Variants in HSPG2 observed in about 807,000 individuals in gnomAD.
HSPG2 encodes the protein heparan sulfate proteoglycan 2, also known as basement membrane-specific heparan sulfate proteoglycan core protein.
Under a neutral mutation model 526.6 loss-of-function variants are expected in HSPG2, and 278 were observed. The ratio of observed to expected loss-of-function variants is 0.53; its 90% confidence interval spans 0.48 to 0.58. The LOEUF (loss-of-function observed/expected upper bound fraction) is 0.58. Among genes scored for constraint, HSPG2 ranks in the 20% least tolerant of loss-of-function variants. The pLI is 0.00. For missense variants in HSPG2, 5,354 were observed against 6,099.5 expected (o/e 0.88, Z 4.07); for synonymous variants, 2,465 against 2,555.4 (o/e 0.96, Z 1.07).
At position 21,858,193 on chromosome 1, in the gene HSPG2, A is replaced by G. The variant is rs1258822492; in HGVS notation, c.5294-808T>C. Among the ~76,000 whole-genome samples, 2 of 152,140 alleles carry G rather than the reference A, an allele frequency of 1.3e-5. No individual in the cohort carries two copies. Among genetic ancestry groups the G allele is most frequent in the African/African-American group, 4.8e-5 (2 of 41,426 alleles). ...TGGTTTCTATCCCTTCTCTCCACTG[A>G]AAACCGCTCTTGTCAAAGCATGACC... On this transcript the variant is annotated intron_variant, in intron 42 of 96. Transcript: ENST00000374695. The surrounding 1 kb of genome is among the most constrained non-coding windows in gnomAD (Gnocchi z 4.2).
intron 69 of HSPG2, 125 bp downstream of exon 69, chr1:21,841,877 G>A: frequency 7.1e-7 from 1 of 1,405,426 alleles, no homozygotes. Flanking sequence ...GACGGGAAGG[G>A]CCTTACTCAG....
chr1:21,914,962 G>A (rs1476573722), intron 1 of HSPG2, among the ~76,000 whole-genome samples: 1 of 152,194 alleles, frequency 6.6e-6, no homozygotes, highest in African/African-American at 2.4e-5. Context: ...CACAGCCACG[G>A]CCTCTGTCCT....
Position 21,860,246 on chromosome 1 carries a change from G to C in HSPG2, c.4956-11C>G, listed in dbSNP as rs774389113. 1.9e-6 allele frequency: 3 copies of C among 1,612,160 alleles called. No homozygotes were observed. The South Asian group carries it at 3.3e-5, about 18-fold the overall frequency. On this transcript the variant is annotated splice_polypyrimidine_tract_variant and intron_variant, in intron 39 of 96. Transcript: ENST00000374695. ...TAACCTGGGCCACACCTGTAAGGGG[G>C]AACAAGGGCCGGCAATGTCAGGCCT...
At chr1:21,823,768 CCCGG>C in intron 95 of HSPG2, 49 bp from the exon 96 acceptor site, 1 of 1,433,270 alleles carries the variant, frequency 7.0e-7, no homozygotes, top group Non-Finnish European at 9.8e-7. Context: ...CCTGGTCCTC[CCCGG>C]CCCCACGACA....
rs1260857222 is a variant in HSPG2 at position 21,852,773 on chromosome 1, C to T, written c.6651G>A (p.Val2217=). 6.2e-7 allele frequency: 1 copy of T among 1,612,916 alleles called. No homozygotes were observed. The highest frequency in any genetic ancestry group is 2.2e-5 in the East Asian group (1 of 44,868). Residue 2217 remains valine, a synonymous_variant, in exon 52 of 97, where the codon GTG becomes GTA. Transcript: ENST00000374695. ...QVTPADSGEY[V]CHVVGTSGPL... Reference sequence around the variant, plus strand: ...GGCCGGAGGTGCCCACCACATGGCACACATACTCGCCTGAGTCGGCCGGGG... The same window carrying T: ...GGCCGGAGGTGCCCACCACATGGCATACATACTCGCCTGAGTCGGCCGGGG...
chr1:21,870,316 T>C (rs1640547163), intron 33 of HSPG2: 12 of 985,638 alleles, frequency 1.2e-5, no homozygotes, highest in Non-Finnish European at 1.4e-5. Context: ...TGTGCGGTTC[T>C]GATGAAATGG....
chr1:21,836,959 G>T lies in HSPG2; in HGVS notation c.10198C>A (p.Pro3400Thr). Residue 3400 changes from proline to threonine, a missense_variant, in exon 75 of 97, where the codon CCC becomes ACC. Transcript: ENST00000374695. ...PATSIPAGSTPTVQVTPQLET... is the reference protein window; with the variant it reads ...PATSIPAGSTTTVQVTPQLET... ...AGCTGAGGCGTGACCTGCACGGTGG[G>T]CGTGGACCCTGCTGGGATGGAGGTG... The T allele has an allele frequency of 1.3e-6, 2 of 1,555,284 alleles. No individual in the cohort carries two copies. The highest frequency in any genetic ancestry group is 1.9e-5 in the Admixed American group (1 of 51,462).
intron 13 of HSPG2, among the ~76,000 whole-genome samples, chr1:21,882,420 C>A (rs572653082): frequency 5.9e-5 from 9 of 151,674 alleles, no homozygotes; most frequent in African/African-American, 1.9e-4. Flanking sequence ...CACACACACA[C>A]ACACACACAC....
chr1:21,854,386 GGCTATT>G, intron 49 of HSPG2, 43 bp from the exon 50 acceptor site: 1 of 1,551,498 alleles, frequency 6.4e-7, no homozygotes, highest in Non-Finnish European at 8.7e-7. Flanking sequence ...CAGGGACGGG[GGCTATT>G]GTCACCACTC....
chr1:21,934,858 G>A (rs1644443844), intron 1 of HSPG2, among the ~76,000 whole-genome samples: 1 of 152,050 alleles, frequency 6.6e-6, no homozygotes, highest in African/African-American at 2.4e-5. Context: ...GCCTCCCAAA[G>A]TCCTGGGATT....
chr1:21,847,487 A>T lies in HSPG2; in HGVS notation c.8031T>A (p.His2677Gln). The change falls in exon 62 of 97, where the codon CAT becomes CAA. Residue 2677 changes from histidine (H) to glutamine (Q), a missense_variant. His to Gln is a conservative substitution (Grantham distance 24). Transcript: ENST00000374695. The surrounding 1 kb of genome is among the most constrained non-coding windows in gnomAD (Gnocchi z 4.1). ...TTTGGTGCAACCGCAGGTGGGAGCC[A>T]TGGGTCTGGACGTGCGGATGGGGAA... ...GGSLPSRHQT[H>Q]GSHLRLHQMS... is the part of the protein sequence containing the mutation. The T allele has an allele frequency of 6.2e-7, 1 of 1,613,598 alleles. No homozygotes were observed. The highest frequency in any genetic ancestry group is 8.5e-7 in the Non-Finnish European group (1 of 1,179,928).
Position 21,822,533 on chromosome 1 carries a change from TC to T in HSPG2, c.*782del. 1 of 227,614 alleles carries T rather than the reference TC, an allele frequency of 4.4e-6. No homozygotes were observed. The highest frequency in any genetic ancestry group is 8.7e-6 in the Non-Finnish European group (1 of 114,634). 14.1% of individuals were successfully genotyped at this position (227,614 alleles called of 1,614,324 possible). ...TTGGAGGAGTCCCTGGGCCTTCACT[TC>T]CAGATGGGTGGGGATGTGGCCTGGG... On this transcript the variant is annotated 3_prime_UTR_variant, in exon 97 of 97. Coordinates refer to ENST00000374695, the MANE Select transcript of HSPG2 (RefSeq NM_005529.7).
chr1:21,918,911 G>A (rs1643951989), intron 1 of HSPG2, among the ~76,000 whole-genome samples: 1 of 152,120 alleles, frequency 6.6e-6, no homozygotes, highest in South Asian at 2.1e-4. Flanking sequence ...TAAGTCCAGG[G>A]CCACCCCTCT....
rs1643890013 is a variant in HSPG2 at position 21,916,438 on chromosome 1, A to G, written c.64-20128T>C. Among the ~76,000 whole-genome samples the G allele has an allele frequency of 3.9e-5, 6 of 152,168 alleles. No homozygotes were observed. In the South Asian group the frequency reaches 1.2e-3, roughly 32 times the overall value. On this transcript the variant is annotated intron_variant, in intron 1 of 96. Coordinates refer to ENST00000374695, the MANE Select transcript of HSPG2 (RefSeq NM_005529.7). ...GAGAATGGCATGAATCCTGGAGGCA[A>G]AGCTCGCGGTGAACCGAGATTGTGT... is the stretch of plus-strand genomic sequence containing the variant.
At chr1:21,834,624 G>A in intron 77 of HSPG2, 55 bp downstream of exon 77, 1 of 1,601,482 alleles carries the variant, frequency 6.2e-7, no homozygotes, top group Non-Finnish European at 8.5e-7. Context: ...ATGGCAGCAG[G>A]AGAAGCCCCT....
At position 21,858,754 on chromosome 1, in the gene HSPG2, A is replaced by C. The variant is rs1053664759; in HGVS notation, c.5293+812T>G. 2.6e-5 allele frequency among the ~76,000 whole-genome samples: 4 copies of C among 152,216 alleles called. No homozygotes were observed. Among genetic ancestry groups the C allele is most frequent in the African/African-American group, 9.6e-5 (4 of 41,452 alleles). ...GGGCTTTCTCAGGCCACTGGAGCCC[A>C]CAGTGCACACCCATGGGTGGGACAG... is the stretch of plus-strand genomic sequence containing the variant. On this transcript the variant is annotated intron_variant, in intron 42 of 96. Coordinates refer to ENST00000374695, the MANE Select transcript of HSPG2 (RefSeq NM_005529.7). The surrounding 1 kb of genome is among the most constrained non-coding windows in gnomAD (Gnocchi z 4.2).
At chr1:21,926,734 G>T (rs1644201940) in intron 1 of HSPG2, among the ~76,000 whole-genome samples, 1 of 140,426 alleles carries the variant, frequency 7.1e-6, no homozygotes, top group East Asian at 2.1e-4. Flanking sequence ...TACACTTCAG[G>T]CTGGGAGACA....
intron 1 of HSPG2, among the ~76,000 whole-genome samples, chr1:21,901,645 G>T (rs1307720421): frequency 6.6e-6 from 1 of 152,104 alleles, no homozygotes; most frequent in East Asian, 1.9e-4. Context: ...CTGGGACTGA[G>T]CCCCCGACTG....
Position 21,832,583 on chromosome 1 carries a change from T to C in HSPG2, c.11119A>G (p.Lys3707Glu), listed in dbSNP as rs758376132. 1.2e-6 allele frequency: 2 copies of C among 1,614,128 alleles called. No homozygotes were observed. The highest frequency in any genetic ancestry group is 2.2e-5 in the South Asian group (2 of 91,086). The change falls in exon 81 of 97, where the codon AAG becomes GAG. Residue 3707 changes from lysine (K) to glutamate (E), a missense_variant. Lys to Glu is a moderately conservative substitution (Grantham distance 56, BLOSUM62 1). Transcript: ENST00000374695. The part of the protein sequence containing the change: ...ADGMLLYNGQ[K>E]RVPGSPTNLA... ...TTGGTGGGGCTCCCTGGGACTCGCTTCTGCCCATTGTACAGCAGCATCCCT... is the reference window on the plus strand; with the variant it reads ...TTGGTGGGGCTCCCTGGGACTCGCTCCTGCCCATTGTACAGCAGCATCCCT...
Sources: allele counts gnomAD v4.1 joint callset (sites outside exome capture counted in the v4.1 genomes callset), GRCh38; gene constraint gnomAD v4.1.1; non-coding constraint Gnocchi (gnomAD v3.1); transcripts MANE v1.5; gene names NCBI Gene and HGNC (gene_info 2026-07-23, HGNC 2026-07-21).